Variants in DGUOK observed in about 807,000 individuals in gnomAD.
The protein encoded by DGUOK is deoxyguanosine kinase, mitochondrial.
Under a neutral mutation model 36.6 loss-of-function variants are expected in DGUOK, and 30 were observed. The ratio of observed to expected loss-of-function variants is 0.82; its 90% CI spans 0.61 to 1.11. The LOEUF (loss-of-function observed/expected upper bound fraction) is 1.11. DGUOK is among the 50% of genes most tolerant of loss of function. The pLI is 0.00. For synonymous variants in DGUOK, 145 were observed against 126.3 expected, an observed-to-expected ratio of 1.15 and a Z score of -0.99; for missense variants, 361 against 336.4, an observed-to-expected ratio of 1.07 and a Z score of -0.57.
chr2:73,947,128 G>C, intron 3 of DGUOK: 1 of 579,538 alleles, frequency 1.7e-6, no homozygotes, highest in South Asian at 1.9e-5. Flanking sequence ...TGAATGCTTT[G>C]AATTTCTTAC....
chr2:73,926,907 T>TG lies in DGUOK; in HGVS notation c.-1dup. The TG allele has an allele frequency of 6.2e-7, 1 of 1,613,320 alleles. No individual in the cohort carries two copies. The highest frequency in any genetic ancestry group is 8.5e-7 in the Non-Finnish European group (1 of 1,179,984). ...AAGTGATCGCTGTGTGAATCGTGGG[T>TG]GGGATGGCCGCGGGCCGCCTCTTTC... On this transcript the variant is annotated 5_prime_UTR_variant, in exon 1 of 7. Transcript: ENST00000264093.
chr2:73,934,524 G>A (rs531996589), intron 1 of DGUOK, among the ~76,000 whole-genome samples: 6 of 152,154 alleles, frequency 3.9e-5, no homozygotes, highest in African/African-American at 7.2e-5. Context: ...AGGCTGAGGC[G>A]GGCAGATCAC....
intron 3 of DGUOK, among the ~76,000 whole-genome samples, chr2:73,949,123 T>C (rs891009561): frequency 6.6e-6 from 1 of 152,098 alleles, no homozygotes; most frequent in Admixed American, 6.6e-5. Context: ...GGCTAATTTT[T>C]GTGTTTTTAG....
intron 1 of DGUOK, among the ~76,000 whole-genome samples, chr2:73,937,150 A>C (rs1430023128): frequency 1.3e-5 from 2 of 152,178 alleles, no homozygotes; most frequent in Non-Finnish European, 2.9e-5. Context: ...CATGTTAAAG[A>C]GTTTGGAGTT....
chr2:73,946,619 TA>T, intron 2 of DGUOK, 99 bp from the exon 3 acceptor site: 1 of 1,086,138 alleles, frequency 9.2e-7, no homozygotes, highest in East Asian at 2.4e-5. Flanking sequence ...CATTGATTAT[TA>T]AACCTGTTTG....
intron 1 of DGUOK, among the ~76,000 whole-genome samples, chr2:73,938,065 T>C (rs1681604049): frequency 6.6e-6 from 1 of 152,198 alleles, no homozygotes; most frequent in African/African-American, 2.4e-5. Flanking sequence ...CTGTATGACC[T>C]GGCCCTGGAC....
At chr2:73,943,496 T>C (rs147672761) in intron 2 of DGUOK, among the ~76,000 whole-genome samples, 17 of 152,174 alleles carry the variant, frequency 1.1e-4, no homozygotes, top group African/African-American at 3.9e-4. Flanking sequence ...ACCATCAATG[T>C]TATGAAAATA....
chr2:73,927,372 C>T (rs998804594), intron 1 of DGUOK, among the ~76,000 whole-genome samples: 2 of 152,196 alleles, frequency 1.3e-5, no homozygotes, highest in South Asian at 4.1e-4. Context: ...TTTATTTGTT[C>T]TCCTAGATAG....
intron 3 of DGUOK, among the ~76,000 whole-genome samples, chr2:73,949,087 G>A (rs1048663787): frequency 1.3e-5 from 2 of 152,136 alleles, no homozygotes; most frequent in African/African-American, 4.8e-5. Context: ...GAGTAGCTGG[G>A]ATTACAGGGA....
intron 4 of DGUOK, among the ~76,000 whole-genome samples, chr2:73,953,640 T>G (rs1202007497): frequency 6.6e-6 from 1 of 151,574 alleles, no homozygotes; most frequent in Non-Finnish European, 1.5e-5. Context: ...TTCAGAGCCC[T>G]CGTAAATACT....
chr2:73,950,479 A>G lies in DGUOK; in HGVS notation c.444-106A>G. 7 of 1,254,510 alleles carry G rather than the reference A, an allele frequency of 5.6e-6. No homozygotes were observed. In the South Asian group the frequency reaches 6.2e-5, roughly 11 times the overall value. The allele number at this position is 1,254,510 out of a possible 1,614,324, so 77.7% of individuals were successfully genotyped here. A position where few individuals can be genotyped will look rare whatever the true frequency, so the allele number is the denominator to read the frequency against. On this transcript the variant is annotated intron_variant, in intron 3 of 6. Transcript: ENST00000264093. ...GAAAGGTTAAGTGGTTTGAACAGACATGGAACAAGTTGGTTATTGATTTTT... is the reference window on the plus strand; with the variant it reads ...GAAAGGTTAAGTGGTTTGAACAGACGTGGAACAAGTTGGTTATTGATTTTT...
chr2:73,927,298 G>A (rs576557977), intron 1 of DGUOK, among the ~76,000 whole-genome samples: 1 of 152,352 alleles, frequency 6.6e-6, no homozygotes, highest in South Asian at 2.1e-4. Context: ...GCAGTTAGTG[G>A]ATAGGACAAG....
intron 2 of DGUOK, among the ~76,000 whole-genome samples, chr2:73,941,328 C>G (rs968424946): frequency 6.6e-6 from 1 of 152,184 alleles, no homozygotes; most frequent in Non-Finnish European, 1.5e-5. Context: ...TTCCCAAATT[C>G]CTTCCCCATA....
At chr2:73,939,533 A>G (rs1437120583) in intron 2 of DGUOK, among the ~76,000 whole-genome samples, 2 of 152,216 alleles carry the variant, frequency 1.3e-5, no homozygotes, top group Non-Finnish European at 2.9e-5. Flanking sequence ...TTTCACTTAC[A>G]CCTCATGGCT....
intron 4 of DGUOK, among the ~76,000 whole-genome samples, chr2:73,953,965 G>A (rs1421464241): frequency 6.6e-6 from 1 of 151,892 alleles, no homozygotes; most frequent in African/African-American, 2.4e-5. Flanking sequence ...TGATCCGCCC[G>A]CCTCGGCCTC....
chr2:73,940,698 AC>A (rs1480121408), intron 2 of DGUOK, among the ~76,000 whole-genome samples: 2 of 152,146 alleles, frequency 1.3e-5, no homozygotes, highest in Non-Finnish European at 2.9e-5. Flanking sequence ...TTTTTACTGT[AC>A]CTTTTCTATG....
chr2:73,945,035 T>C (rs1476279833), intron 2 of DGUOK, among the ~76,000 whole-genome samples: 2 of 152,256 alleles, frequency 1.3e-5, no homozygotes, highest in Admixed American at 1.3e-4. Flanking sequence ...TCTATATGTG[T>C]TGTTTCTGCT....
chr2:73,936,524 T>G (rs1681477908), intron 1 of DGUOK, among the ~76,000 whole-genome samples: 1 of 152,158 alleles, frequency 6.6e-6, no homozygotes, highest in African/African-American at 2.4e-5. Context: ...TGGGGTGGCA[T>G]GTAGTAAATG....
Position 73,957,249 on chromosome 2 carries a change from G to A in DGUOK, c.707+9G>A. On this transcript the variant is annotated intron_variant, in intron 5 of 6. Coordinates refer to ENST00000264093, the MANE Select transcript of DGUOK (RefSeq NM_080916.3). ...ATTCACAAGACAACGAAGTAAGTGG[G>A]GAGAAAAGAATGTATCAGAGACAGA... is the stretch of plus-strand genomic sequence containing the variant. 1 of 1,609,318 alleles carries A rather than the reference G, an allele frequency of 6.2e-7. No individual in the cohort carries two copies. The highest frequency in any genetic ancestry group is 2.2e-5 in the East Asian group (1 of 44,828).
Sources: gnomAD v4.1 joint callset for allele counts (sites outside exome capture counted in the v4.1 genomes callset) on GRCh38, gnomAD v4.1.1 for gene constraint, MANE v1.5 for transcripts, NCBI Gene and HGNC (gene_info 2026-07-23, HGNC 2026-07-21) for gene names.